The following TECRL variants were observed in gnomAD, a reference collection of about 807,000 sequenced individuals.
TECRL encodes the protein trans-2,3-enoyl-CoA reductase-like.
A neutral mutation model predicts 52.8 loss-of-function variants in TECRL; 63 were observed. That is an observed-to-expected ratio of 1.19 (90% confidence interval 0.97 to 1.47). The LOEUF (loss-of-function observed/expected upper bound fraction) is 1.47. Among genes scored for constraint, TECRL ranks in the 40% most tolerant of loss-of-function variants. The pLI is 0.00. For missense variants in TECRL, 482 were observed against 429.6 expected (o/e 1.12, Z -1.08); for synonymous variants, 164 against 141.9 (o/e 1.16, Z -1.10).
chr4:64,324,831 C>T (rs560602224), intron 3 of TECRL, among the ~76,000 whole-genome samples: 1 of 152,060 alleles, frequency 6.6e-6, no homozygotes, highest in Admixed American at 6.5e-5. Context: ...TGAATGTAGT[C>T]CTGTGTTTAC....
chr4:64,301,614 G>A (rs968325079), intron 7 of TECRL, among the ~76,000 whole-genome samples: 1 of 151,182 alleles, frequency 6.6e-6, no homozygotes, highest in African/African-American at 2.4e-5. Flanking sequence ...CTACTATACA[G>A]ATCTATGTAG....
At chr4:64,360,237 C>T (rs1721080089) in intron 2 of TECRL, among the ~76,000 whole-genome samples, 1 of 113,334 alleles carries the variant, frequency 8.8e-6, no homozygotes, top group African/African-American at 3.0e-5. Context: ...GAGATAAATT[C>T]AGTGGGAGAT....
intron 8 of TECRL, among the ~76,000 whole-genome samples, chr4:64,295,212 A>G (rs1009972875): frequency 1.3e-5 from 2 of 151,510 alleles, no homozygotes; most frequent in Admixed American, 1.3e-4. Flanking sequence ...ATATATTTTC[A>G]GTTTTCAAAA....
Position 64,345,923 on chromosome 4 carries a change from A to AAAAAAAAAC in TECRL, c.287-17376_287-17368dup, listed in dbSNP as rs1560516717. 9.0e-5 allele frequency among the ~76,000 whole-genome samples: 13 copies of AAAAAAAAAC among 145,212 alleles called. 1 individual carries two copies. The East Asian group carries it at 1.2e-3, about 14-fold the overall frequency. On this transcript the variant is annotated intron_variant, in intron 2 of 11. Transcript: ENST00000381210. The stretch of plus-strand genomic sequence containing the variant: ...CCTCAACAGCAAAAAAAAAAAAAAA[A>AAAAAAAAAC]AAAAAAAACATTTATCATATCCCTC...
At chr4:64,329,854 A>C (rs1022105888) in intron 2 of TECRL, among the ~76,000 whole-genome samples, 2 of 151,874 alleles carry the variant, frequency 1.3e-5, no homozygotes, top group Non-Finnish European at 2.9e-5. Context: ...TAAATAATAA[A>C]TATTTGTAAG....
At chr4:64,390,995 C>A (rs552040097) in intron 1 of TECRL, among the ~76,000 whole-genome samples, 23 of 151,884 alleles carry the variant, frequency 1.5e-4, no homozygotes, top group Admixed American at 4.6e-4. Flanking sequence ...ATTTCTGCAT[C>A]ATTGGCTCAC....
chr4:64,396,924 T>G (rs535038596), intron 1 of TECRL, among the ~76,000 whole-genome samples: 2 of 152,280 alleles, frequency 1.3e-5, no homozygotes, highest in South Asian at 2.1e-4. Context: ...CTTTCCCCAT[T>G]GCTTGTTTTT....
chr4:64,337,404 A>G (rs1719180909), intron 2 of TECRL, among the ~76,000 whole-genome samples: 1 of 152,166 alleles, frequency 6.6e-6, no homozygotes, highest in Non-Finnish European at 1.5e-5. Flanking sequence ...CCTATTCAAC[A>G]TAGTGTTGGA....
chr4:64,282,654 T>C (rs1281601178), intron 9 of TECRL, among the ~76,000 whole-genome samples: 5 of 152,064 alleles, frequency 3.3e-5, no homozygotes, highest in Non-Finnish European at 7.4e-5. Context: ...CTTTAGAGCC[T>C]GTAGTTTATG....
intron 6 of TECRL, among the ~76,000 whole-genome samples, chr4:64,306,302 C>T (rs1011209849): frequency 6.6e-6 from 1 of 152,032 alleles, no homozygotes; most frequent in Non-Finnish European, 1.5e-5. Flanking sequence ...AACAGTTTCC[C>T]TTCATGGAGC....
intron 1 of TECRL, among the ~76,000 whole-genome samples, chr4:64,391,963 C>A (rs1296708797): frequency 6.6e-6 from 1 of 151,856 alleles, no homozygotes; most frequent in Non-Finnish European, 1.5e-5. Flanking sequence ...TAATTGAATG[C>A]ACCTGCTAGA....
intron 1 of TECRL, among the ~76,000 whole-genome samples, chr4:64,405,138 T>C (rs1355578849): frequency 1.3e-5 from 2 of 152,168 alleles, no homozygotes; most frequent in Admixed American, 1.3e-4. Context: ...CAAGGAAGCA[T>C]AATAAAAAAT....
chr4:64,287,822 C>T (rs536241940), intron 9 of TECRL, among the ~76,000 whole-genome samples: 1 of 152,178 alleles, frequency 6.6e-6, no homozygotes, highest in South Asian at 2.1e-4. Flanking sequence ...AGACAAAAAG[C>T]AAATTGGAGC....
In TECRL at chr4:64,348,384, G is replaced by A. The variant is rs538405389; in HGVS notation, c.287-19828C>T. Reference sequence around the variant, plus strand: ...CACCCCCAGGATCCTATCACCTCCCGCCCTCAACATGTGAGGACTACAATT... The same window carrying A: ...CACCCCCAGGATCCTATCACCTCCCACCCTCAACATGTGAGGACTACAATT... On this transcript the variant is annotated intron_variant, in intron 2 of 11. Transcript: ENST00000381210. Among the ~76,000 whole-genome samples, 61 of 152,014 alleles carry A rather than the reference G, an allele frequency of 4.0e-4. 1 individual carries two copies. Among genetic ancestry groups the A allele is most frequent in the Non-Finnish European group, 8.2e-4 (56 of 67,988 alleles).
chr4:64,337,772 A>G (rs1719219181), intron 2 of TECRL, among the ~76,000 whole-genome samples: 1 of 152,192 alleles, frequency 6.6e-6, no homozygotes, highest in Admixed American at 6.5e-5. Flanking sequence ...TCAATGAAAT[A>G]AAAGAGGAGA....
Position 64,377,282 on chromosome 4 carries a change from A to T in TECRL, c.235-2059T>A, listed in dbSNP as rs539378180. Among the ~76,000 whole-genome samples the T allele has an allele frequency of 7.2e-5, 11 of 152,136 alleles. 1 individual carries two copies. In the South Asian group the frequency reaches 2.3e-3, roughly 31 times the overall value. On this transcript the variant is annotated intron_variant, in intron 1 of 11. Transcript: ENST00000381210. Reference sequence around the variant, plus strand: ...ACTAAATGATTGAGACATATATTCAATTAGCCACAGGATTGTACTTGATCT... The same window carrying T: ...ACTAAATGATTGAGACATATATTCATTTAGCCACAGGATTGTACTTGATCT...
At chr4:64,343,517 T>C (rs1215719636) in intron 2 of TECRL, among the ~76,000 whole-genome samples, 1 of 151,972 alleles carries the variant, frequency 6.6e-6, no homozygotes, top group Non-Finnish European at 1.5e-5. Context: ...ACATTTATCA[T>C]GATATCCCTC....
chr4:64,317,053 C>T (rs1001626354), intron 4 of TECRL, among the ~76,000 whole-genome samples: 2 of 151,936 alleles, frequency 1.3e-5, no homozygotes. Flanking sequence ...CCGAGGCGGG[C>T]GGATGACAAG....
chr4:64,295,071 A>ACTT (rs1283242616), intron 8 of TECRL, among the ~76,000 whole-genome samples: 1 of 151,634 alleles, frequency 6.6e-6, no homozygotes, highest in African/African-American at 2.4e-5. Flanking sequence ...TACTTTCTGC[A>ACTT]CTTTTATTAT....
Sources: allele counts gnomAD v4.1 joint callset (sites outside exome capture counted in the v4.1 genomes callset), GRCh38; gene constraint gnomAD v4.1.1; transcripts MANE v1.5; gene names NCBI Gene and HGNC (gene_info 2026-07-23, HGNC 2026-07-21).